TRERF1: variants seen among roughly 807,000 people sequenced by gnomAD.
TRERF1 encodes transcriptional-regulating factor 1.
TRERF1 carries 27 observed loss-of-function variants against 122.9 expected under a neutral mutation model. That is an observed-to-expected ratio of 0.22 (90% CI 0.16 to 0.30). TRERF1 has a LOEUF of 0.30. TRERF1 is among the 10% of genes least tolerant of loss of function. The probability of loss-of-function intolerance (pLI) is 1.00; values close to 1 mark genes in which losing one functional copy is unlikely to be tolerated. For missense variants in TRERF1, 1,248 were observed against 1,560.3 expected, an observed-to-expected ratio of 0.80 and a Z score of 3.37; for synonymous variants, 636 against 641.7, an observed-to-expected ratio of 0.99 and a Z score of 0.13.
Position 42,259,447 on chromosome 6 carries a change from A to G in TRERF1, c.2161T>C (p.Ser721Pro). Residue 721 changes from serine (S) to proline (P), a missense_variant, in exon 9 of 18, where the codon TCG becomes CCG. Around this residue, in one of 5 missense-constraint regions of TRERF1, gnomAD observed 946 missense variants for 1,073.0 expected, o/e 0.88. Coordinates refer to ENST00000372922, the Ensembl canonical transcript of TRERF1. The surrounding 1 kb of genome is among the most constrained non-coding windows in gnomAD (Gnocchi z 4.9). The stretch of plus-strand genomic sequence containing the variant: ...ATGAGGACATTGCTGAAGAGCCCCG[A>G]GCCCTGGCGCACCGGGCTCAGCATG... 6.2e-7 allele frequency: 1 copy of G among 1,601,140 alleles called. No homozygotes were observed. The highest frequency in any genetic ancestry group is 1.3e-5 in the African/African-American group (1 of 74,756).
chr6:42,264,733 C>T, exon 7 of TRERF1: 2 of 1,614,120 alleles, frequency 1.2e-6, no homozygotes, highest in Admixed American at 3.3e-5. Flanking sequence ...GCCCTCATTC[C>T]CCCGTGGGAC....
intron 2 of TRERF1, among the ~76,000 whole-genome samples, chr6:42,366,380 G>C (rs970510065): frequency 1.3e-5 from 2 of 152,346 alleles, no homozygotes; most frequent in African/African-American, 4.8e-5. Context: ...GGAGAACCAA[G>C]ATGGCCAAGT....
intron 2 of TRERF1, among the ~76,000 whole-genome samples, chr6:42,399,115 G>A (rs1459676313): frequency 6.6e-6 from 1 of 152,128 alleles, no homozygotes; most frequent in East Asian, 1.9e-4. Context: ...AGTCCCCAGG[G>A]TCCATTTTAT....
At chr6:42,402,895 G>T (rs1779609626) in intron 2 of TRERF1, among the ~76,000 whole-genome samples, 1 of 152,072 alleles carries the variant, frequency 6.6e-6, no homozygotes, top group Non-Finnish European at 1.5e-5. Context: ...GTCACCCAGG[G>T]TCGCACATTA....
chr6:42,236,208 C>A, exon 16 of TRERF1: 1 of 1,578,384 alleles, frequency 6.3e-7, no homozygotes, highest in Admixed American at 1.9e-5. Flanking sequence ...CACTTACAGC[C>A]CCACAGTTGG....
chr6:42,414,003 T>C (rs1433368535), intron 2 of TRERF1, among the ~76,000 whole-genome samples: 1 of 152,126 alleles, frequency 6.6e-6, no homozygotes, highest in Non-Finnish European at 1.5e-5. Context: ...CTGGAAAAGT[T>C]AGAAAAGAAA....
chr6:42,249,047 G>T (rs1031563335), intron 13 of TRERF1, among the ~76,000 whole-genome samples: 2 of 152,190 alleles, frequency 1.3e-5, no homozygotes, highest in East Asian at 3.9e-4. Flanking sequence ...GAGTCAGAAA[G>T]ATAATGATGG....
intron 2 of TRERF1, among the ~76,000 whole-genome samples, chr6:42,436,363 C>T (rs1962365): frequency 0.1 from 12,025 of 117,170 alleles, 596 homozygotes; most frequent in African/African-American, 0.14. Context: ...AGTGAGACTC[C>T]GTCTCAAAAA....
intron 2 of TRERF1, among the ~76,000 whole-genome samples, chr6:42,418,108 G>T (rs1275238281): frequency 6.6e-6 from 1 of 151,926 alleles, no homozygotes; most frequent in East Asian, 1.9e-4. Context: ...ATCACCTGAA[G>T]GTCTTGTTAA....
chr6:42,378,388 G>GAAA (rs200117763), intron 2 of TRERF1, among the ~76,000 whole-genome samples: 4 of 132,578 alleles, frequency 3.0e-5, no homozygotes, highest in African/African-American at 7.9e-5. Context: ...GAAGAAAAAA[G>GAAA]AAAAAAAAAA....
rs751449893 is a variant in TRERF1 at position 42,259,661 on chromosome 6, C to T, written c.1947G>A (p.Gln649=). The T allele has an allele frequency of 2.0e-4, 328 of 1,611,060 alleles. No homozygotes were observed. Among genetic ancestry groups the T allele is most frequent in the Non-Finnish European group, 2.7e-4 (318 of 1,180,014 alleles). ...GCCGGTGCCGGAACTTTTTCTTCTC[C>T]TGCACGGTCTTGAGGGGCTCCTCGG... Residue 649 remains glutamine, a synonymous_variant, in exon 9 of 18, where the codon CAG becomes CAA. Transcript: ENST00000372922. This position sits in a 1 kb window ranked among gnomAD's most constrained non-coding sequence, Gnocchi z 4.9.
At chr6:42,398,350 A>C (rs1247801928) in intron 2 of TRERF1, among the ~76,000 whole-genome samples, 1 of 152,208 alleles carries the variant, frequency 6.6e-6, no homozygotes, top group Non-Finnish European at 1.5e-5. Flanking sequence ...GAGTTTGTGC[A>C]GTATGGTAAT....
intron 2 of TRERF1, among the ~76,000 whole-genome samples, chr6:42,441,260 C>T (rs534713321): frequency 6.6e-5 from 10 of 152,138 alleles, no homozygotes; most frequent in East Asian, 3.9e-4. Context: ...TTTTTCTGCA[C>T]GCAGCATTTA....
intron 3 of TRERF1, among the ~76,000 whole-genome samples, chr6:42,302,776 G>A (rs942385): frequency 6.6e-6 from 1 of 152,324 alleles, no homozygotes; most frequent in African/African-American, 2.4e-5. Context: ...GCATGGCACG[G>A]GTGGGAAGCA....
intron 8 of TRERF1, among the ~76,000 whole-genome samples, chr6:42,260,569 G>A (rs551408620): frequency 7.3e-4 from 111 of 152,326 alleles, no homozygotes; most frequent in Non-Finnish European, 1.2e-3. Flanking sequence ...GGTAGCATCA[G>A]CCCAGAAAAG....
intron 3 of TRERF1, among the ~76,000 whole-genome samples, chr6:42,311,765 CAAAAAAAAAAAA>C (rs10530333): frequency 0.019 from 644 of 34,598 alleles, 7 homozygotes; most frequent in Non-Finnish European, 0.034. Flanking sequence ...GACTCCGTCT[CAAAAAAAAAAAA>C]AAAAAAAAAA....
intron 3 of TRERF1, among the ~76,000 whole-genome samples, chr6:42,316,765 G>A (rs1287141391): frequency 6.6e-6 from 1 of 152,126 alleles, no homozygotes; most frequent in African/African-American, 2.4e-5. Flanking sequence ...TAGGATTATG[G>A]GAGGGGCCTG....
intron 3 of TRERF1, among the ~76,000 whole-genome samples, chr6:42,349,328 T>C (rs192387257): frequency 1.5e-3 from 230 of 152,086 alleles, no homozygotes; most frequent in African/African-American, 5.4e-3. Flanking sequence ...AGCTGAGCCC[T>C]GGGTAAAGCC....
intron 3 of TRERF1, among the ~76,000 whole-genome samples, chr6:42,354,514 G>A (rs903456475): frequency 6.6e-6 from 1 of 150,872 alleles, no homozygotes; most frequent in Non-Finnish European, 1.5e-5. Context: ...TCTACATTTT[G>A]CACTTTAATT....
Sources: allele counts gnomAD v4.1 joint callset (sites outside exome capture counted in the v4.1 genomes callset), GRCh38; gene constraint gnomAD v4.1.1; regional missense constraint gnomAD v4.1.1; non-coding constraint Gnocchi (gnomAD v3.1); transcripts MANE v1.5; gene names NCBI Gene and HGNC (gene_info 2026-07-23, HGNC 2026-07-21).